SPG7: variants seen among roughly 807,000 people sequenced by gnomAD.
The protein encoded by SPG7 is mitochondrial inner membrane m-AAA protease component paraplegin.
In SPG7, 103 loss-of-function variants were observed where a neutral mutation model predicts 81.9. That is an observed-to-expected ratio of 1.26 (90% CI 1.07 to 1.48). SPG7 has a LOEUF of 1.48. Among genes scored for constraint, SPG7 ranks in the 40% most tolerant of loss-of-function variants. SPG7 has a pLI of 0.00. For missense variants in SPG7, 1,241 were observed against 1,087.3 expected (o/e 1.14, Z -1.99); for synonymous variants, 534 against 444.2 (o/e 1.20, Z -2.54).
At chr16:89,537,800 G>GGGTCCT in intron 9 of SPG7, 1 of 985,004 alleles carries the variant, frequency 1.0e-6, no homozygotes, top group Non-Finnish European at 1.2e-6. Context: ...TGGGAAGCTG[G>GGGTCCT]GGTCCTGGTC....
At position 89,544,496 on chromosome 16, in the gene SPG7, C is replaced by T. The variant is rs992876213; in HGVS notation, c.1325-152C>T. On this transcript the variant is annotated intron_variant, in intron 9 of 16. Coordinates refer to ENST00000645818, the MANE Select transcript of SPG7 (RefSeq NM_003119.4). Reference sequence around the variant, plus strand: ...GCTGGCTGGGAGCGATGGGGGATCGCGGCTCCTAGTTCAGAAGGACCGGGC... The same window carrying T: ...GCTGGCTGGGAGCGATGGGGGATCGTGGCTCCTAGTTCAGAAGGACCGGGC... The T allele has an allele frequency of 1.3e-5, 11 of 839,474 alleles. 1 individual carries two copies. The highest frequency in any genetic ancestry group is 5.7e-5 in the South Asian group (4 of 70,792). 52.0% of individuals were successfully genotyped at this position (839,474 alleles called of 1,614,324 possible).
intron 7 of SPG7, chr16:89,531,682 G>C (rs2058344166): frequency 1.7e-6 from 1 of 576,100 alleles, no homozygotes; most frequent in Admixed American, 2.9e-5. Context: ...CCTGCAAGAA[G>C]TTTTTAAAAG....
intron 9 of SPG7, chr16:89,539,156 C>T (rs946549331): frequency 6.6e-6 from 1 of 152,200 alleles, no homozygotes; most frequent in Non-Finnish European, 1.5e-5. Flanking sequence ...GTCCTTTCAC[C>T]CTCTAACGGG....
rs974111197 is a variant in SPG7, at chr16:89,547,024, T to C, written c.1552+264T>C. On this transcript the variant is annotated intron_variant, in intron 11 of 16. Coordinates refer to ENST00000645818, the MANE Select transcript of SPG7 (RefSeq NM_003119.4). ...GTTGTTTCCAGAGATAGTGGAGTTA[T>C]GTTGCTTCCACACAGTGACCAGTCA... 5.3e-5 allele frequency: 24 copies of C among 450,154 alleles called. No individual in the cohort carries two copies. In the East Asian group the frequency reaches 8.5e-4, roughly 16 times the overall value. 27.9% of individuals were successfully genotyped at this position (450,154 alleles called of 1,614,324 possible). A position where few individuals can be genotyped will look rare whatever the true frequency, so the allele number is the denominator to read the frequency against.
chr16:89,530,957 G>C (rs763095085), intron 7 of SPG7, 149 bp downstream of exon 7: 10 of 1,025,488 alleles, frequency 9.8e-6, no homozygotes, highest in African/African-American at 1.6e-5. Context: ...ACACCAAGCA[G>C]GTGCTGGTGC....
At chr16:89,549,207 G>C (rs556487061) in intron 12 of SPG7, 1 of 456,798 alleles carries the variant, frequency 2.2e-6, no homozygotes, top group African/African-American at 2.0e-5. Flanking sequence ...GACTGAGTGG[G>C]AACCACAAGC....
chr16:89,530,442 C>T, intron 6 of SPG7: 1 of 565,542 alleles, frequency 1.8e-6, no homozygotes, highest in Non-Finnish European at 3.2e-6. Flanking sequence ...CCATGCCTGG[C>T]TGAGTAATTT....
At chr16:89,510,636 T>TA (rs1438499098) in intron 2 of SPG7, 44 bp downstream of exon 2, 3 of 1,211,302 alleles carry the variant, frequency 2.5e-6, no homozygotes, top group East Asian at 2.3e-5. Context: ...ACTGCACACT[T>TA]ACCGCCTCAG....
intron 7 of SPG7, chr16:89,531,290 G>A: frequency 3.9e-6 from 1 of 256,026 alleles, no homozygotes. Flanking sequence ...TCGGGGCGCT[G>A]AGGCAGGGGA....
chr16:89,514,738 T>G (rs1317075936), intron 3 of SPG7, among the ~76,000 whole-genome samples: 1 of 151,936 alleles, frequency 6.6e-6, no homozygotes, highest in Non-Finnish European at 1.5e-5. Flanking sequence ...GACCTTGTGA[T>G]CTGCTCACCT....
chr16:89,548,118 AGG>A lies in SPG7; in HGVS notation c.1663+9_1663+10del. On this transcript the variant is annotated splice_donor_region_variant and intron_variant, in intron 12 of 16. Coordinates refer to ENST00000645818, the MANE Select transcript of SPG7 (RefSeq NM_003119.4). The stretch of plus-strand genomic sequence containing the variant: ...CCGTGGAGCGCGTCCTCGCAGGTAC[AGG>A]GGGCGCGCCCTGGGTGAAGGCCCTC... The A allele has an allele frequency of 6.3e-7, 1 of 1,593,758 alleles. No individual in the cohort carries two copies. Among genetic ancestry groups the A allele is most frequent in the Non-Finnish European group, 8.5e-7 (1 of 1,170,972 alleles).
chr16:89,535,212 C>G (rs1215856016), intron 9 of SPG7, among the ~76,000 whole-genome samples: 1 of 152,176 alleles, frequency 6.6e-6, no homozygotes, highest in Non-Finnish European at 1.5e-5. Flanking sequence ...TGGCGGTGGA[C>G]TCTGCTGAGG....
chr16:89,556,998 G>A lies in SPG7; in HGVS notation c.2293G>A (p.Asp765Asn), dbSNP rs374941242. The part of the protein sequence containing the change: ...KKMIAPQRWI[D>N]AQREKQDLGE... Reference sequence around the variant, plus strand: ...AATGATCGCACCGCAGAGGTGGATCGACGCCCAGAGGGAGAAACAGGACTT... The same window carrying A: ...AATGATCGCACCGCAGAGGTGGATCAACGCCCAGAGGGAGAAACAGGACTT... Residue 765 changes from aspartate to asparagine, a missense_variant, in exon 17 of 17, where the codon GAC becomes AAC. Transcript: ENST00000645818. The A allele has an allele frequency of 2.2e-5, 36 of 1,613,884 alleles. No individual in the cohort carries two copies. Among genetic ancestry groups the A allele is most frequent in the Non-Finnish European group, 2.5e-5 (29 of 1,180,010 alleles).
At chr16:89,548,201 A>G (rs1183282519) in intron 12 of SPG7, 88 bp downstream of exon 12, 12 of 893,732 alleles carry the variant, frequency 1.3e-5, no homozygotes, top group South Asian at 1.3e-5. Context: ...GGTGAGGTGG[A>G]TGGAACCATC....
At chr16:89,509,329 C>T (rs925197122) in intron 1 of SPG7, among the ~76,000 whole-genome samples, 1 of 152,130 alleles carries the variant, frequency 6.6e-6, no homozygotes. Flanking sequence ...TGGCTCACTG[C>T]AACCTCCGCC....
intron 9 of SPG7, chr16:89,537,397 A>C: frequency 9.4e-7 from 1 of 1,067,394 alleles, no homozygotes; most frequent in South Asian, 3.3e-5. Context: ...CGCTGACCAC[A>C]CGCGGGAGCT....
intron 3 of SPG7, among the ~76,000 whole-genome samples, chr16:89,515,827 C>G (rs1323387016): frequency 4.0e-5 from 6 of 151,780 alleles, no homozygotes; most frequent in Middle Eastern, 3.4e-3. Context: ...CCTGCCTCAG[C>G]CTCTCGAGTA....
intron 3 of SPG7, chr16:89,519,020 G>C (rs1223764479): frequency 1.3e-5 from 2 of 151,992 alleles, no homozygotes; most frequent in Non-Finnish European, 2.9e-5. Context: ...GTCTGGCTCT[G>C]TCACCCAGGA....
chr16:89,536,394 G>T (rs2058417152), intron 9 of SPG7, among the ~76,000 whole-genome samples: 1 of 152,172 alleles, frequency 6.6e-6, no homozygotes, highest in Admixed American at 6.5e-5. Context: ...GGGTGGTTTG[G>T]GTTTTGAGGA....
Sources: gnomAD v4.1 joint callset for allele counts (sites outside exome capture counted in the v4.1 genomes callset) on GRCh38, gnomAD v4.1.1 for gene constraint, MANE v1.5 for transcripts, NCBI Gene and HGNC (gene_info 2026-07-23, HGNC 2026-07-21) for gene names.